CDH18: variants seen among roughly 807,000 people sequenced by gnomAD.
CDH18 encodes cadherin 18, also known as cadherin-18.
Under a neutral mutation model 67.9 loss-of-function variants are expected in CDH18, and 31 were observed. The ratio of observed to expected loss-of-function variants is 0.46; its 90% CI spans 0.34 to 0.62. The LOEUF is 0.62. Among genes scored for constraint, CDH18 ranks in the 20% least tolerant of loss-of-function variants. CDH18 has a pLI of 0.01. For missense variants in CDH18, 890 were observed against 975.5 expected (o/e 0.91, Z 1.17); for synonymous variants, 362 against 347.2 (o/e 1.04, Z -0.48).
At chr5:20,542,549 T>C (rs1428730) in intron 1 of CDH18, among the ~76,000 whole-genome samples, 66,744 of 151,372 alleles carry the variant, frequency 0.44, 15,149 homozygotes, top group East Asian at 0.57. Flanking sequence ...TATGGATATA[T>C]ATACATATAT....
chr5:20,515,730 A>C (rs1755329862), intron 1 of CDH18, among the ~76,000 whole-genome samples: 1 of 152,056 alleles, frequency 6.6e-6, no homozygotes, highest in South Asian at 2.1e-4. Context: ...AGCTAATTGA[A>C]TTCTTTATAT....
intron 5 of CDH18, among the ~76,000 whole-genome samples, chr5:19,641,099 A>T (rs1473402604): frequency 6.6e-6 from 1 of 151,666 alleles, no homozygotes; most frequent in African/African-American, 2.4e-5. Flanking sequence ...AAGAAATGAA[A>T]AAATTTCTAG....
At chr5:20,363,533 A>G (rs1460084772) in intron 1 of CDH18, among the ~76,000 whole-genome samples, 1 of 149,760 alleles carries the variant, frequency 6.7e-6, no homozygotes. Flanking sequence ...CATATTAATG[A>G]CACTTTAGCT....
intron 3 of CDH18, among the ~76,000 whole-genome samples, chr5:19,762,749 T>C (rs1174386614): frequency 6.6e-6 from 1 of 152,126 alleles, no homozygotes; most frequent in Non-Finnish European, 1.5e-5. Context: ...CATTACTGGG[T>C]ATACACCCAA....
rs183131174 is a variant in CDH18, at chr5:20,060,200, C to T, written c.-517-68186G>A. The stretch of plus-strand genomic sequence containing the variant: ...AGAATATAGGCGGAGCGTGGTGACT[C>T]ATGCCTGTAATCCCAGCACCTTGGG... On this transcript the variant is annotated intron_variant, in intron 2 of 14. Transcript: ENST00000507958. Among the ~76,000 whole-genome samples, 336 of 152,216 alleles carry T rather than the reference C, an allele frequency of 2.2e-3. 1 individual carries two copies. Among genetic ancestry groups the T allele is most frequent in the African/African-American group, 7.7e-3 (318 of 41,536 alleles).
chr5:20,534,796 C>T (rs1397681886), intron 1 of CDH18, among the ~76,000 whole-genome samples: 2 of 151,456 alleles, frequency 1.3e-5, no homozygotes, highest in Non-Finnish European at 2.9e-5. Context: ...TGATTACTGA[C>T]TTCTGAACTC....
intron 1 of CDH18, among the ~76,000 whole-genome samples, chr5:20,461,713 T>C (rs1751277689): frequency 6.6e-6 from 1 of 152,194 alleles, no homozygotes; most frequent in African/African-American, 2.4e-5. Flanking sequence ...ACATAGTATA[T>C]AATTATCTGT....
chr5:20,515,604 A>G (rs1379386110), intron 1 of CDH18, among the ~76,000 whole-genome samples: 3 of 152,116 alleles, frequency 2.0e-5, no homozygotes, highest in Non-Finnish European at 4.4e-5. Flanking sequence ...TATTCTAAAT[A>G]AGTCAAATTC....
At chr5:19,965,597 C>T (rs1019528505) in intron 2 of CDH18, among the ~76,000 whole-genome samples, 1 of 152,128 alleles carries the variant, frequency 6.6e-6, no homozygotes, top group Admixed American at 6.6e-5. Flanking sequence ...GCTAGAATTA[C>T]AGGAGTGATT....
chr5:19,969,110 C>T lies in CDH18; in HGVS notation c.-257+11950G>A, dbSNP rs1448553129. 3.8e-3 allele frequency among the ~76,000 whole-genome samples: 553 copies of T among 146,080 alleles called. 8 individuals are homozygous for T. The highest frequency in any genetic ancestry group is 0.015 in the African/African-American group (521 of 35,764). ...ATGAAAAAATGCTCACCATCACTGGCCATCAGAGAAATGCAAATCAAAACC... is the reference window on the plus strand; with the variant it reads ...ATGAAAAAATGCTCACCATCACTGGTCATCAGAGAAATGCAAATCAAAACC... On this transcript the variant is annotated intron_variant, in intron 2 of 12. Transcript: ENST00000382275.
At chr5:20,295,859 C>CT (rs1561947549) in intron 1 of CDH18, among the ~76,000 whole-genome samples, 80 of 133,412 alleles carry the variant, frequency 6.0e-4, no homozygotes, top group African/African-American at 2.0e-3. Context: ...ATTTTATTTT[C>CT]TTTCTTTTTT....
intron 2 of CDH18, among the ~76,000 whole-genome samples, chr5:20,026,482 T>A (rs541462173): frequency 2.0e-5 from 3 of 152,344 alleles, no homozygotes; most frequent in African/African-American, 7.2e-5. Context: ...ACATTATGTA[T>A]GTCTATAAGC....
intron 2 of CDH18, among the ~76,000 whole-genome samples, chr5:20,180,449 T>C (rs140684856): frequency 0.021 from 3,191 of 152,284 alleles, 59 homozygotes; most frequent in Non-Finnish European, 0.034. Flanking sequence ...TTGCTAATCG[T>C]AGGTTATTGA....
chr5:19,515,470 T>A (rs1038593650), intron 10 of CDH18, among the ~76,000 whole-genome samples: 3 of 152,220 alleles, frequency 2.0e-5, no homozygotes, highest in Non-Finnish European at 4.4e-5. Flanking sequence ...TGATTCTTCC[T>A]ATCCATGAGC....
chr5:19,503,357 G>T (rs1743581882), intron 10 of CDH18, among the ~76,000 whole-genome samples: 1 of 151,018 alleles, frequency 6.6e-6, no homozygotes, highest in Non-Finnish European at 1.5e-5. Context: ...CAAACGCATT[G>T]ATTTTTTTTT....
At chr5:19,482,264 T>C (rs1361040294) in intron 12 of CDH18, among the ~76,000 whole-genome samples, 5 of 151,990 alleles carry the variant, frequency 3.3e-5, no homozygotes, top group Non-Finnish European at 5.9e-5. Context: ...TACAGGTGCC[T>C]GCCACCACCC....
intron 2 of CDH18, among the ~76,000 whole-genome samples, chr5:20,097,377 A>G (rs1046832190): frequency 1.3e-5 from 2 of 152,162 alleles, no homozygotes; most frequent in Non-Finnish European, 2.9e-5. Context: ...GGACGTCTTA[A>G]GTGGTGACAG....
At chr5:20,504,038 GA>G (rs201250312) in intron 1 of CDH18, among the ~76,000 whole-genome samples, 4,814 of 142,160 alleles carry the variant, frequency 0.034, 80 homozygotes, top group Non-Finnish European at 0.043. Context: ...ACTCTGTCAA[GA>G]AAAAAAAAAA....
Position 20,519,942 on chromosome 5 carries a change from C to CTTTTTTTTTTTTTT in CDH18, c.-580+55506_-580+55519dup, listed in dbSNP as rs777265512. Among the ~76,000 whole-genome samples, 62 of 41,686 alleles carry CTTTTTTTTTTTTTT rather than the reference C, an allele frequency of 1.5e-3. 16 individuals are homozygous for CTTTTTTTTTTTTTT. Among genetic ancestry groups the CTTTTTTTTTTTTTT allele is most frequent in the Non-Finnish European group, 1.8e-3 (40 of 22,188 alleles). 27.3% of individuals were successfully genotyped at this position (41,686 alleles called of 152,430 possible). On this transcript the variant is annotated intron_variant, in intron 1 of 14. Coordinates refer to the CDH18 transcript ENST00000507958. Reference sequence around the variant, plus strand: ...AGGCTGGAGTACAACACAGTCTTGGCTTTTTTTTTTTTTTTTTTTTTTTTT... The same window carrying CTTTTTTTTTTTTTT: ...AGGCTGGAGTACAACACAGTCTTGGCTTTTTTTTTTTTTTTTTTTTTTTTTTTTTTTTTTTTTTT...
Sources: allele counts gnomAD v4.1 joint callset (sites outside exome capture counted in the v4.1 genomes callset), GRCh38; gene constraint gnomAD v4.1.1; transcripts MANE v1.5; gene names NCBI Gene and HGNC (gene_info 2026-07-23, HGNC 2026-07-21).